The following TXNRD3 variants were observed in gnomAD, a reference collection of about 807,000 sequenced individuals.
TXNRD3 encodes the protein thioredoxin reductase 3, also known as TXNRD3 neighbor gene protein.
TXNRD3 carries 68 observed loss-of-function variants against 78.2 expected under a neutral mutation model. The observed-to-expected ratio is 0.87, with a 90% CI of 0.72 to 1.06. The LOEUF (loss-of-function observed/expected upper bound fraction) is 1.06, where lower values mean the gene tolerates loss of function less well. TXNRD3 is among the 50% of genes least tolerant of loss of function. TXNRD3 has a pLI of 0.00. For missense variants in TXNRD3, 751 were observed against 809.5 expected (o/e 0.93, Z 0.88); for synonymous variants, 296 against 300.1 (o/e 0.99, Z 0.14).
chr3:126,623,169 A>G (rs1450180020), intron 10 of TXNRD3, among the ~76,000 whole-genome samples: 2 of 152,218 alleles, frequency 1.3e-5, no homozygotes, highest in South Asian at 2.1e-4. Flanking sequence ...TGGCAAACTA[A>G]TATGTCCTAT....
intron 12 of TXNRD3, among the ~76,000 whole-genome samples, chr3:126,615,845 G>T (rs563448295): frequency 1.3e-5 from 2 of 152,192 alleles, no homozygotes; most frequent in African/African-American, 4.8e-5. Flanking sequence ...AGGCAACCTT[G>T]AATTATGCTA....
chr3:126,607,869 T>C lies in TXNRD3; in HGVS notation c.*36A>G. 2 of 1,464,438 alleles carry C rather than the reference T, an allele frequency of 1.4e-6. No homozygotes were observed. Among genetic ancestry groups the C allele is most frequent in the South Asian group, 1.3e-5 (1 of 76,924 alleles). 90.7% of individuals were successfully genotyped at this position (1,464,438 alleles called of 1,614,324 possible). On this transcript the variant is annotated 3_prime_UTR_variant, in exon 16 of 16. Transcript: ENST00000524230. ...AGAGCATTCTTATCTTTGAGAGAAA[T>C]GAGAATATGACAAGGAGAACTAAAC...
At chr3:126,619,232 T>A (rs879373138) in intron 12 of TXNRD3, among the ~76,000 whole-genome samples, 2 of 151,964 alleles carry the variant, frequency 1.3e-5, no homozygotes, top group African/African-American at 4.8e-5. Context: ...AAGGAAAGAA[T>A]CAGTGTATCA....
chr3:126,613,749 C>T (rs1205370768), intron 13 of TXNRD3, among the ~76,000 whole-genome samples: 1 of 152,218 alleles, frequency 6.6e-6, no homozygotes, highest in East Asian at 1.9e-4. Context: ...CACTGCCAGT[C>T]TCCAACAGTC....
At chr3:126,618,787 G>A (rs1382545737) in intron 12 of TXNRD3, among the ~76,000 whole-genome samples, 1 of 150,536 alleles carries the variant, frequency 6.6e-6, no homozygotes, top group African/African-American at 2.4e-5. Flanking sequence ...ACTGTAAAAT[G>A]GGAGAAAATA....
chr3:126,630,781 C>G lies in TXNRD3; in HGVS notation c.1128G>C (p.Met376Ile), dbSNP rs941026139. Residue 376 changes from methionine to isoleucine, a missense_variant, in exon 9 of 16, where the codon ATG becomes ATC. By Grantham distance (10) the Met-to-Ile change is conservative. Coordinates refer to ENST00000524230, the MANE Select transcript of TXNRD3 (RefSeq NM_052883.3). The stretch of plus-strand genomic sequence containing the variant: ...CCATGTAGGAACCCACTTTTTCTGC[C>G]ATTTCTTGGTCGAAGCCACGGAGAA... 2.0e-5 allele frequency: 30 copies of G among 1,534,700 alleles called. No individual in the cohort carries two copies. The highest frequency in any genetic ancestry group is 2.4e-5 in the Non-Finnish European group (27 of 1,146,874).
At chr3:126,613,582 A>G (rs1388261698) in intron 13 of TXNRD3, among the ~76,000 whole-genome samples, 4 of 152,226 alleles carry the variant, frequency 2.6e-5, no homozygotes, top group African/African-American at 9.6e-5. Flanking sequence ...GTTGCAAAAC[A>G]ATGCTGGTCT....
chr3:126,619,710 T>C (rs755915977), intron 12 of TXNRD3, among the ~76,000 whole-genome samples: 4 of 152,128 alleles, frequency 2.6e-5, no homozygotes, highest in African/African-American at 4.8e-5. Context: ...TAAAAGAGGA[T>C]ATAACAGAAT....
intron 10 of TXNRD3, chr3:126,624,787 A>G (rs1938538970): frequency 5.7e-6 from 1 of 175,400 alleles, no homozygotes; most frequent in Admixed American, 5.4e-5. Context: ...GAAAGAAAAG[A>G]ACTACACAGT....
intron 9 of TXNRD3, 120 bp downstream of exon 9, chr3:126,630,592 G>C: frequency 9.3e-7 from 1 of 1,079,226 alleles, no homozygotes; most frequent in East Asian, 2.6e-5. Flanking sequence ...TGTAGACTTG[G>C]GAGTGGAAAC....
In TXNRD3 at chr3:126,654,823, G is replaced by A; in HGVS notation, c.168C>T (p.Arg56=). 2 of 1,406,378 alleles carry A rather than the reference G, an allele frequency of 1.4e-6. No individual in the cohort carries two copies. Among genetic ancestry groups the A allele is most frequent in the Admixed American group, 2.9e-5 (1 of 34,406 alleles). The allele number at this position is 1,406,378 out of a possible 1,614,324, so 87.1% of individuals were successfully genotyped here. Residue 56 remains arginine (R), a synonymous_variant, in exon 1 of 16, where the codon CGC becomes CGT. Coordinates refer to ENST00000524230, the MANE Select transcript of TXNRD3 (RefSeq NM_052883.3). ...GCTCGATGAGGCCCACGAGGTGGCG[G>A]CGCAGCTCCTCGCGGGCCTCGGACG...
chr3:126,636,978 C>T (rs1267437599), intron 6 of TXNRD3, among the ~76,000 whole-genome samples: 1 of 151,314 alleles, frequency 6.6e-6, no homozygotes, highest in East Asian at 1.9e-4. Flanking sequence ...TATGTGTGGC[C>T]CAAGACAATT....
At chr3:126,609,124 G>A in intron 14 of TXNRD3, 2 of 442,316 alleles carry the variant, frequency 4.5e-6, no homozygotes, top group South Asian at 1.6e-5. Context: ...TGGGGTGCAG[G>A]CAATGAGCTG....
intron 1 of TXNRD3, among the ~76,000 whole-genome samples, chr3:126,649,225 A>G (rs1201953880): frequency 6.6e-6 from 1 of 152,258 alleles, no homozygotes; most frequent in East Asian, 1.9e-4. Context: ...TAAATGGCCA[A>G]TAATAAGCAC....
At chr3:126,640,174 G>A (rs1457887034) in intron 6 of TXNRD3, among the ~76,000 whole-genome samples, 1 of 7,470 alleles carries the variant, frequency 1.3e-4, no homozygotes, top group African/African-American at 2.1e-4. Flanking sequence ...GCGCGATCTC[G>A]GCTCACTGCA....
At position 126,644,375 on chromosome 3, in the gene TXNRD3, C is replaced by T. The variant is rs1933180121; in HGVS notation, c.441G>A (p.Lys147=). The change falls in exon 4 of 16, where the codon AAG becomes AAA. Residue 147 remains lysine (K), a synonymous_variant. Transcript: ENST00000524230. ...CATATGCCAAATCTTCCTGAAGGAG[C>T]TTCTGTAACAAACCACTCTGATATG... 3.3e-6 allele frequency: 5 copies of T among 1,536,166 alleles called. No homozygotes were observed. The highest frequency in any genetic ancestry group is 4.4e-6 in the Non-Finnish European group (5 of 1,146,916).
intron 1 of TXNRD3, among the ~76,000 whole-genome samples, chr3:126,650,947 T>C (rs1487877898): frequency 6.6e-6 from 1 of 152,192 alleles, no homozygotes; most frequent in Non-Finnish European, 1.5e-5. Flanking sequence ...ACAAGCTGGT[T>C]GATTACAGCT....
Position 126,623,137 on chromosome 3 carries a change from C to T in TXNRD3, c.1291-597G>A, listed in dbSNP as rs543119160. Reference sequence around the variant, plus strand: ...AATGTTGTTTAAGCCACACAGTCTGCGGTATTTTGCTATGGCAGCCCTGGC... The same window carrying T: ...AATGTTGTTTAAGCCACACAGTCTGTGGTATTTTGCTATGGCAGCCCTGGC... On this transcript the variant is annotated intron_variant, in intron 10 of 15. Transcript: ENST00000524230. Among the ~76,000 whole-genome samples the T allele has an allele frequency of 1.1e-4, 17 of 152,276 alleles. No homozygotes were observed. The South Asian group carries it at 1.2e-3, about 11-fold the overall frequency.
At chr3:126,630,012 GT>G (rs1191864743) in intron 9 of TXNRD3, among the ~76,000 whole-genome samples, 3 of 152,250 alleles carry the variant, frequency 2.0e-5, no homozygotes, top group African/African-American at 7.2e-5. Flanking sequence ...GGTAATGCAA[GT>G]GCACAGAAGT....
Sources: gnomAD v4.1 joint callset for allele counts (sites outside exome capture counted in the v4.1 genomes callset) on GRCh38, gnomAD v4.1.1 for gene constraint, MANE v1.5 for transcripts, NCBI Gene and HGNC (gene_info 2026-07-23, HGNC 2026-07-21) for gene names.